ABLIM2: variants seen among roughly 807,000 people sequenced by gnomAD.
ABLIM2 encodes the protein actin binding LIM protein family member 2.
Under a neutral mutation model 97.7 loss-of-function variants are expected in ABLIM2, and 53 were observed. The ratio of observed to expected loss-of-function variants is 0.54; its 90% CI spans 0.44 to 0.68. The LOEUF (loss-of-function observed/expected upper bound fraction) is 0.68. ABLIM2 is among the 30% of genes least tolerant of loss of function. The pLI is 0.00. For synonymous variants in ABLIM2, 361 were observed against 345.8 expected (o/e 1.04, Z -0.49); for missense variants, 835 against 867.2 (o/e 0.96, Z 0.47).
At chr4:8,026,054 C>A (rs1313113133) in intron 12 of ABLIM2, among the ~76,000 whole-genome samples, 1 of 152,202 alleles carries the variant, frequency 6.6e-6, no homozygotes, top group Non-Finnish European at 1.5e-5. Flanking sequence ...GTTGTCCAGG[C>A]TGGAGTGCAG....
intron 17 of ABLIM2, among the ~76,000 whole-genome samples, chr4:7,985,275 C>T (rs530560548): frequency 3.2e-4 from 48 of 152,312 alleles, no homozygotes; most frequent in African/African-American, 9.6e-4. Context: ...GCGCACGCTG[C>T]GCTAGGCACA....
At chr4:7,993,364 A>T (rs1001095494) in intron 16 of ABLIM2, among the ~76,000 whole-genome samples, 1 of 152,364 alleles carries the variant, frequency 6.6e-6, no homozygotes, top group South Asian at 2.1e-4. Flanking sequence ...CACCAAGCAC[A>T]TGGGGCCTGG....
chr4:8,147,460 T>A lies in ABLIM2; in HGVS notation c.10+11220A>T, dbSNP rs1852001673. On this transcript the variant is annotated intron_variant, in intron 1 of 20. Coordinates refer to ENST00000447017, the MANE Select transcript of ABLIM2 (RefSeq NM_001130083.2). The surrounding 1 kb of genome is among the most constrained non-coding windows in gnomAD (Gnocchi z 5.3). Reference sequence around the variant, plus strand: ...TTAAAAGGGGAGGGGTCTTTGCAGATGTGATTTACATAAAGCGTCTAGAGA... The same window carrying A: ...TTAAAAGGGGAGGGGTCTTTGCAGAAGTGATTTACATAAAGCGTCTAGAGA... Among the ~76,000 whole-genome samples, 1 of 152,160 alleles carries A rather than the reference T, an allele frequency of 6.6e-6. No individual in the cohort carries two copies. The highest frequency in any genetic ancestry group is 2.4e-5 in the African/African-American group (1 of 41,426).
At chr4:7,983,242 G>A (rs780653832) in intron 20 of ABLIM2, 22 bp downstream of exon 20, 6 of 1,599,306 alleles carry the variant, frequency 3.8e-6, no homozygotes, top group Non-Finnish European at 5.1e-6. Flanking sequence ...TGAGTCCCCT[G>A]CCCCGGCAGT....
intron 3 of ABLIM2, among the ~76,000 whole-genome samples, chr4:8,092,517 C>T (rs1829363613): frequency 6.6e-6 from 1 of 152,186 alleles, no homozygotes. Context: ...GAGGGTTAGT[C>T]TTAACTGTTT....
intron 4 of ABLIM2, among the ~76,000 whole-genome samples, chr4:8,086,363 T>G (rs57694408): frequency 0.065 from 9,707 of 148,404 alleles, 623 homozygotes; most frequent in East Asian, 0.17. Flanking sequence ...TTTTTTTTTT[T>G]TTTTTTGACA....
chr4:7,987,554 T>C (rs1387428836), intron 17 of ABLIM2, among the ~76,000 whole-genome samples: 3 of 152,214 alleles, frequency 2.0e-5, no homozygotes, highest in African/African-American at 7.2e-5. Context: ...GCATGTCTGA[T>C]GTGAAAGAGA....
At chr4:8,024,464 G>A (rs546496898) in intron 12 of ABLIM2, among the ~76,000 whole-genome samples, 4 of 152,172 alleles carry the variant, frequency 2.6e-5, no homozygotes, top group Non-Finnish European at 4.4e-5. Flanking sequence ...AGTGCCGTCC[G>A]GAGGGAAATG....
At position 8,125,780 on chromosome 4, in the gene ABLIM2, C is replaced by T. The variant is rs1184782601; in HGVS notation, c.11-19143G>A. ...TCCATCTGGGACACGGACATCGTCACCTGCTGTCTGCTCTGGGCATCCACG... is the reference window on the plus strand; with the variant it reads ...TCCATCTGGGACACGGACATCGTCATCTGCTGTCTGCTCTGGGCATCCACG... On this transcript the variant is annotated intron_variant, in intron 1 of 20. Transcript: ENST00000447017. This position sits in a 1 kb window ranked among gnomAD's most constrained non-coding sequence, Gnocchi z 6.2. Among the ~76,000 whole-genome samples, 12 of 152,328 alleles carry T rather than the reference C, an allele frequency of 7.9e-5. No homozygotes were observed. In the South Asian group the frequency reaches 1.0e-3, roughly 13 times the overall value.
intron 6 of ABLIM2, among the ~76,000 whole-genome samples, chr4:8,070,487 G>GT (rs1308055977): frequency 5.3e-5 from 8 of 152,128 alleles, no homozygotes; most frequent in Admixed American, 2.0e-4. Context: ...CAGAAATGCT[G>GT]TATTTATTTG....
intron 2 of ABLIM2, among the ~76,000 whole-genome samples, chr4:8,104,616 G>A (rs1489476234): frequency 6.6e-6 from 1 of 152,154 alleles, no homozygotes; most frequent in East Asian, 1.9e-4. Flanking sequence ...GGGATTCAGG[G>A]CACTCCCACT....
At position 8,122,667 on chromosome 4, in the gene ABLIM2, A is replaced by G. The variant is rs975627796; in HGVS notation, c.11-16030T>C. ...GTGTGAATGCTAGGGGAACATGAAC[A>G]TTCACTTCTTAACACCATCCACTGT... On this transcript the variant is annotated intron_variant, in intron 1 of 20. Transcript: ENST00000447017. The surrounding 1 kb of genome is among the most constrained non-coding windows in gnomAD (Gnocchi z 4.1). Among the ~76,000 whole-genome samples the G allele has an allele frequency of 2.6e-5, 4 of 152,162 alleles. No homozygotes were observed. Among genetic ancestry groups the G allele is most frequent in the Non-Finnish European group, 5.9e-5 (4 of 68,024 alleles).
rs2151300372 is a variant in ABLIM2, at chr4:8,032,530, G to A, written c.1048-2754C>T. ...CATGTCACAAGGGCCGTGGCCCCGGGCCCCATGGTGAAGAGCCACCGAGGA... is the reference window on the plus strand; with the variant it reads ...CATGTCACAAGGGCCGTGGCCCCGGACCCCATGGTGAAGAGCCACCGAGGA... On this transcript the variant is annotated intron_variant, in intron 10 of 20. Coordinates refer to ENST00000447017, the MANE Select transcript of ABLIM2 (RefSeq NM_001130083.2). The surrounding 1 kb of genome is among the most constrained non-coding windows in gnomAD (Gnocchi z 4.3). 2.3e-6 allele frequency: 3 copies of A among 1,331,930 alleles called. No individual in the cohort carries two copies. Among genetic ancestry groups the A allele is most frequent in the East Asian group, 2.4e-5 (1 of 42,258 alleles). 82.5% of individuals were successfully genotyped at this position (1,331,930 alleles called of 1,614,324 possible).
chr4:8,042,956 G>A (rs1393806502), intron 9 of ABLIM2, among the ~76,000 whole-genome samples: 1 of 151,842 alleles, frequency 6.6e-6, no homozygotes, highest in Non-Finnish European at 1.5e-5. Context: ...TTCAAGACCA[G>A]CCCGGGCAAC....
intron 9 of ABLIM2, 40 bp from the exon 10 acceptor site, chr4:8,036,335 G>C (rs751991633): frequency 6.2e-7 from 1 of 1,606,146 alleles, no homozygotes; most frequent in African/African-American, 1.3e-5. Flanking sequence ...ACAGTCACCA[G>C]ATGCACCCCA....
At chr4:8,153,539 G>T (rs1713839844) in intron 1 of ABLIM2, among the ~76,000 whole-genome samples, 1 of 152,184 alleles carries the variant, frequency 6.6e-6, no homozygotes, top group African/African-American at 2.4e-5. Flanking sequence ...TCTGGCTTCT[G>T]CTGCACCTCA....
At chr4:7,972,415 G>A (rs560161664) in intron 20 of ABLIM2, among the ~76,000 whole-genome samples, 59 of 152,296 alleles carry the variant, frequency 3.9e-4, no homozygotes, top group African/African-American at 1.4e-3. Flanking sequence ...CCTAGATTGC[G>A]CTCACCAAGC....
chr4:7,988,562 C>A (rs1383024665), intron 17 of ABLIM2, among the ~76,000 whole-genome samples: 1 of 152,210 alleles, frequency 6.6e-6, no homozygotes, highest in Non-Finnish European at 1.5e-5. Flanking sequence ...TGCCACTGGT[C>A]ACCCTTCTTT....
chr4:8,012,976 G>A (rs1766080870), intron 14 of ABLIM2, among the ~76,000 whole-genome samples: 1 of 152,172 alleles, frequency 6.6e-6, no homozygotes, highest in Non-Finnish European at 1.5e-5. Context: ...ACTGTGCACT[G>A]TACTGTCTTA....
Sources: gnomAD v4.1 joint callset for allele counts (sites outside exome capture counted in the v4.1 genomes callset) on GRCh38, gnomAD v4.1.1 for gene constraint, Gnocchi (gnomAD v3.1) non-coding constraint, MANE v1.5 for transcripts, NCBI Gene and HGNC (gene_info 2026-07-23, HGNC 2026-07-21) for gene names.